The following PATJ variants were observed in gnomAD, a reference collection of about 807,000 sequenced individuals.
The protein encoded by PATJ is inaD-like protein.
In PATJ, 190 loss-of-function variants were observed where a neutral mutation model predicts 224.9. That is an observed-to-expected ratio of 0.84 (90% CI 0.75 to 0.95). The LOEUF is 0.95. Ranked by LOEUF, PATJ falls within the 40% of genes least tolerant of loss-of-function variation. PATJ has a pLI of 0.00. For synonymous variants in PATJ, 769 were observed against 820.3 expected (o/e 0.94, Z 1.07); for missense variants, 2,121 against 2,270.3 (o/e 0.93, Z 1.34).
chr1:61,865,885 T>G (rs1311708978), intron 20 of PATJ, among the ~76,000 whole-genome samples: 1 of 152,164 alleles, frequency 6.6e-6, no homozygotes, highest in East Asian at 1.9e-4. Flanking sequence ...CTTGCCTCCC[T>G]TAGACATTTC....
intron 27 of PATJ, among the ~76,000 whole-genome samples, chr1:61,950,855 T>C (rs762915181): frequency 5.3e-5 from 8 of 152,302 alleles, no homozygotes; most frequent in Non-Finnish European, 1.0e-4. Context: ...TTTTCATAGT[T>C]AAGTAAAATA....
chr1:61,765,066 ATTTTTTTTTTTT>A (rs71582647), intron 3 of PATJ, among the ~76,000 whole-genome samples: 210 of 24,040 alleles, frequency 8.7e-3, no homozygotes, highest in African/African-American at 0.025. Flanking sequence ...ATTGACATTC[ATTTTTTTTTTTT>A]TTTTTTTTTT....
chr1:62,050,186 TAAATA>T (rs1484203000), intron 30 of PATJ, among the ~76,000 whole-genome samples: 1 of 142,380 alleles, frequency 7.0e-6, no homozygotes, highest in Admixed American at 7.0e-5. Flanking sequence ...ATAAAAAAAA[TAAATA>T]AAAGAAATCA....
At position 62,161,121 on chromosome 1, in the gene PATJ, T is replaced by C. The variant is rs189180213; in HGVS notation, c.*67T>C. On this transcript the variant is annotated 3_prime_UTR_variant, in exon 44 of 44. Coordinates refer to ENST00000642238, the MANE Select transcript of PATJ (RefSeq NM_001350145.3). ...ATCCACAGGCAGATGAAGTTCTGAG[T>C]GGGTATGAAAAGCACCCTCAACTAA... 5.6e-5 allele frequency: 73 copies of C among 1,304,350 alleles called. No individual in the cohort carries two copies. The African/African-American group carries it at 9.3e-4, about 17-fold the overall frequency. The allele number at this position is 1,304,350 out of a possible 1,614,324, so 80.8% of individuals were successfully genotyped here.
intron 30 of PATJ, among the ~76,000 whole-genome samples, chr1:62,049,280 C>CACAG (rs1553253021): frequency 6.9e-6 from 1 of 144,078 alleles, no homozygotes; most frequent in South Asian, 2.2e-4. Context: ...CACACACACA[C>CACAG]AGAGTATTTT....
intron 33 of PATJ, among the ~76,000 whole-genome samples, chr1:62,090,783 C>G (rs1431259512): frequency 6.6e-6 from 1 of 152,168 alleles, no homozygotes; most frequent in Non-Finnish European, 1.5e-5. Flanking sequence ...ACCAAGGCCT[C>G]TTACCTTTTC....
At chr1:62,128,387 TGA>T in intron 40 of PATJ, 1 of 322,326 alleles carries the variant, frequency 3.1e-6, no homozygotes, top group South Asian at 6.0e-5. Context: ...AGCTCTCAAC[TGA>T]GAGACATTTG....
intron 16 of PATJ, among the ~76,000 whole-genome samples, chr1:61,828,525 G>A (rs1470313601): frequency 6.6e-6 from 1 of 151,894 alleles, no homozygotes; most frequent in Non-Finnish European, 1.5e-5. Context: ...AAGTAGCTGG[G>A]ACCACAGGCA....
intron 18 of PATJ, among the ~76,000 whole-genome samples, chr1:61,859,555 C>T (rs1664225855): frequency 6.6e-6 from 1 of 152,014 alleles, no homozygotes; most frequent in Non-Finnish European, 1.5e-5. Flanking sequence ...CTCTCCCTCT[C>T]TCTCTCCCCT....
chr1:61,972,251 CTG>C, intron 27 of PATJ, among the ~76,000 whole-genome samples: 1 of 152,106 alleles, frequency 6.6e-6, no homozygotes, highest in African/African-American at 2.4e-5. Context: ...AAAGTTTTGA[CTG>C]TGACCCGTCA....
intron 17 of PATJ, among the ~76,000 whole-genome samples, chr1:61,837,771 C>G (rs1313492412): frequency 1.7e-5 from 2 of 119,916 alleles, no homozygotes; most frequent in Admixed American, 1.1e-4. Context: ...GCCTGGGAGA[C>G]AGAGTGAGAC....
Position 61,913,688 on chromosome 1 carries a change from T to C in PATJ, c.3493-899T>C, listed in dbSNP as rs1479174341. 3.9e-5 allele frequency among the ~76,000 whole-genome samples: 6 copies of C among 152,228 alleles called. No homozygotes were observed. In the East Asian group the frequency reaches 1.2e-3, roughly 29 times the overall value. On this transcript the variant is annotated intron_variant, in intron 25 of 43. Transcript: ENST00000642238. ...CCAGAGAAATAGTGAAAAATAACAC[T>C]GAGTTCTACTCTCATTAAGCTTATT...
rs1209057338 is a variant in PATJ at position 62,012,180 on chromosome 1, C to T, written c.3868-5676C>T. Among the ~76,000 whole-genome samples, 11 of 152,298 alleles carry T rather than the reference C, an allele frequency of 7.2e-5. No homozygotes were observed. The East Asian group carries it at 1.9e-3, about 27-fold the overall frequency. ...ATGGTAGAGTGACCATCTGTTCTTG[C>T]TCATCTTTTTATAGAGATGGCTGTT... On this transcript the variant is annotated intron_variant, in intron 28 of 43. Transcript: ENST00000642238.
intron 1 of PATJ, among the ~76,000 whole-genome samples, chr1:61,749,406 G>T (rs1313730403): frequency 6.6e-6 from 1 of 152,076 alleles, no homozygotes; most frequent in African/African-American, 2.4e-5. Context: ...GATAAACCCT[G>T]AGTCTCTGAT....
chr1:62,076,413 T>A (rs1658317929), intron 31 of PATJ, among the ~76,000 whole-genome samples: 1 of 152,130 alleles, frequency 6.6e-6, no homozygotes, highest in African/African-American at 2.4e-5. Context: ...TCCATCTCAG[T>A]TCTTATAATA....
At chr1:61,942,144 TCTTTTATTGAAAAAAG>T (rs1370082873) in intron 27 of PATJ, among the ~76,000 whole-genome samples, 1 of 152,202 alleles carries the variant, frequency 6.6e-6, no homozygotes, top group Non-Finnish European at 1.5e-5. Flanking sequence ...TAGTATTTTT[TCTTTTATTGAAAAAAG>T]TACAGAAGAA....
At chr1:61,944,424 C>T (rs1207344853) in intron 27 of PATJ, among the ~76,000 whole-genome samples, 9 of 151,884 alleles carry the variant, frequency 5.9e-5, no homozygotes, top group Non-Finnish European at 2.9e-5. Flanking sequence ...AAGTACGTGA[C>T]GAATGCACAA....
intron 26 of PATJ, among the ~76,000 whole-genome samples, chr1:61,918,977 A>G (rs1228831541): frequency 1.3e-5 from 2 of 152,168 alleles, no homozygotes; most frequent in East Asian, 3.9e-4. Flanking sequence ...TTTAAAAAGT[A>G]AAAAATAAAA....
chr1:61,901,875 G>A (rs1233368216), intron 24 of PATJ, among the ~76,000 whole-genome samples: 2 of 152,146 alleles, frequency 1.3e-5, no homozygotes, highest in Non-Finnish European at 2.9e-5. Flanking sequence ...ACTCTATTGG[G>A]TGAGGGGAGG....
Sources: allele counts gnomAD v4.1 joint callset (sites outside exome capture counted in the v4.1 genomes callset), GRCh38; gene constraint gnomAD v4.1.1; transcripts MANE v1.5; gene names NCBI Gene and HGNC (gene_info 2026-07-23, HGNC 2026-07-21).